CDH4: variants seen among roughly 807,000 people sequenced by gnomAD.
CDH4 encodes cadherin 4, also known as cadherin-4.
A neutral mutation model predicts 86.0 loss-of-function variants in CDH4; 33 were observed. That is an observed-to-expected ratio of 0.38 (90% CI 0.29 to 0.51). The LOEUF is 0.51. Ranked by LOEUF, CDH4 falls within the 20% of genes least tolerant of loss-of-function variation. The pLI is 0.86. For missense variants in CDH4, 1,114 were observed against 1,307.4 expected (o/e 0.85, Z 2.28); for synonymous variants, 555 against 549.4 (o/e 1.01, Z -0.14).
chr20:61,598,649 A>T (rs552504172), intron 2 of CDH4, among the ~76,000 whole-genome samples: 13 of 152,262 alleles, frequency 8.5e-5, no homozygotes, highest in South Asian at 4.1e-4. Flanking sequence ...CGACCCTGGG[A>T]CCAGTTTTCC....
intron 2 of CDH4, among the ~76,000 whole-genome samples, chr20:61,509,565 A>G (rs1418215429): frequency 6.6e-6 from 1 of 150,958 alleles, no homozygotes; most frequent in Non-Finnish European, 1.5e-5. Context: ...ACCTAGCAGC[A>G]TGGCAAGAGG....
intron 3 of CDH4, among the ~76,000 whole-genome samples, chr20:61,767,343 C>T (rs747599306): frequency 1.3e-5 from 2 of 152,212 alleles, no homozygotes; most frequent in Non-Finnish European, 1.5e-5. Context: ...CTGCCCCCAC[C>T]GGGGCTGTGG....
intron 7 of CDH4, 34 bp from the exon 8 acceptor site, chr20:61,894,876 T>A (rs1985026085): frequency 6.3e-7 from 1 of 1,591,468 alleles, no homozygotes; most frequent in South Asian, 1.1e-5. Context: ...CAAACTGATT[T>A]TCTGTTCTTT....
intron 2 of CDH4, among the ~76,000 whole-genome samples, chr20:61,368,722 G>A (rs1297543249): frequency 1.3e-5 from 2 of 152,024 alleles, no homozygotes; most frequent in African/African-American, 4.8e-5. Context: ...TCACCATGTT[G>A]CCCAGGCTGG....
intron 11 of CDH4, among the ~76,000 whole-genome samples, chr20:61,927,840 G>C (rs1344202145): frequency 1.3e-5 from 2 of 152,186 alleles, no homozygotes; most frequent in Non-Finnish European, 2.9e-5. Flanking sequence ...GGGTGTGGCC[G>C]TGTGCTCTGC....
At chr20:61,361,862 A>G (rs2084784947) in intron 2 of CDH4, among the ~76,000 whole-genome samples, 1 of 152,208 alleles carries the variant, frequency 6.6e-6, no homozygotes, top group South Asian at 2.1e-4. Flanking sequence ...TCTCATGCCC[A>G]AGTACTGTTC....
At chr20:61,859,989 C>T (rs758466612) in intron 6 of CDH4, among the ~76,000 whole-genome samples, 2 of 152,254 alleles carry the variant, frequency 1.3e-5, no homozygotes, top group Non-Finnish European at 2.9e-5. Flanking sequence ...TGGCCCCAGG[C>T]AAGCTCCTTC....
chr20:61,923,014 T>C (rs1281545550), intron 9 of CDH4, among the ~76,000 whole-genome samples: 1 of 152,214 alleles, frequency 6.6e-6, no homozygotes, highest in Non-Finnish European at 1.5e-5. Flanking sequence ...CAGGTGGACA[T>C]GTCTTTTGGG....
chr20:61,595,170 G>A (rs2145736717), intron 2 of CDH4, among the ~76,000 whole-genome samples: 1 of 152,340 alleles, frequency 6.6e-6, no homozygotes, highest in Admixed American at 6.5e-5. Context: ...AAAACTGTAG[G>A]CCCTTAGGCA....
At chr20:61,896,105 G>A (rs573191707) in intron 8 of CDH4, among the ~76,000 whole-genome samples, 2 of 152,306 alleles carry the variant, frequency 1.3e-5, no homozygotes, top group East Asian at 3.9e-4. Flanking sequence ...CAATGACAGT[G>A]GCACACCAGC....
intron 4 of CDH4, among the ~76,000 whole-genome samples, chr20:61,821,905 C>T (rs1465595492): frequency 6.6e-6 from 1 of 152,196 alleles, no homozygotes; most frequent in Non-Finnish European, 1.5e-5. Flanking sequence ...CCAGGTGGGC[C>T]CTTCAGGGCA....
At chr20:61,634,462 C>G (rs1387457447) in intron 2 of CDH4, among the ~76,000 whole-genome samples, 3 of 151,216 alleles carry the variant, frequency 2.0e-5, no homozygotes, top group African/African-American at 7.3e-5. Context: ...CGAGTGTTCT[C>G]CACACCCATA....
Position 61,902,521 on chromosome 20 carries a change from G to A in CDH4, c.1188+7474G>A, listed in dbSNP as rs1202518435. On this transcript the variant is annotated intron_variant, in intron 8 of 15. Coordinates refer to ENST00000614565, the MANE Select transcript of CDH4 (RefSeq NM_001794.5). This position sits in a 1 kb window ranked among gnomAD's most constrained non-coding sequence, Gnocchi z 4.6. ...GCAAATGAGCGGCCGTTGACACAGG[G>A]ACAGGCACACCTTTTCTTGAATGGT... Among the ~76,000 whole-genome samples the A allele has an allele frequency of 6.6e-6, 1 of 152,246 alleles. No homozygotes were observed. The highest frequency in any genetic ancestry group is 2.4e-5 in the African/African-American group (1 of 41,460).
chr20:61,422,297 GC>G (rs1464363558), intron 2 of CDH4, among the ~76,000 whole-genome samples: 1 of 70,532 alleles, frequency 1.4e-5, no homozygotes, highest in Non-Finnish European at 2.7e-5. Context: ...GGTAGTGCAT[GC>G]CTGTAATCCC....
At chr20:61,659,089 T>C (rs754759129) in intron 2 of CDH4, among the ~76,000 whole-genome samples, 3 of 152,160 alleles carry the variant, frequency 2.0e-5, no homozygotes, top group African/African-American at 4.8e-5. Context: ...CTGTTCACGG[T>C]CGTAGCACCC....
intron 8 of CDH4, among the ~76,000 whole-genome samples, chr20:61,898,770 C>T (rs1157016407): frequency 1.3e-5 from 2 of 152,156 alleles, no homozygotes; most frequent in Admixed American, 6.5e-5. Context: ...AAGGTGTCGT[C>T]GGGAGCACTG....
At chr20:61,852,951 G>C (rs761958922) in intron 6 of CDH4, 53 bp downstream of exon 6, 6 of 1,578,676 alleles carry the variant, frequency 3.8e-6, no homozygotes, top group Non-Finnish European at 4.3e-6. Flanking sequence ...TGCGGGTGCA[G>C]CACAGGCCCT....
intron 5 of CDH4, among the ~76,000 whole-genome samples, chr20:61,852,047 C>G (rs1191960095): frequency 6.6e-6 from 1 of 152,236 alleles, no homozygotes; most frequent in Non-Finnish European, 1.5e-5. Context: ...CCAGATTCAG[C>G]TCTTCCCTTT....
intron 2 of CDH4, among the ~76,000 whole-genome samples, chr20:61,722,112 C>T (rs35363330): frequency 0.019 from 2,847 of 152,306 alleles, 44 homozygotes; most frequent in Admixed American, 0.043. Flanking sequence ...CAGACAAGCA[C>T]GCCCCAGGCC....
Sources: gnomAD v4.1 joint callset for allele counts (sites outside exome capture counted in the v4.1 genomes callset) on GRCh38, gnomAD v4.1.1 for gene constraint, Gnocchi (gnomAD v3.1) non-coding constraint, MANE v1.5 for transcripts, NCBI Gene and HGNC (gene_info 2026-07-23, HGNC 2026-07-21) for gene names.